ARNT2: variants seen among roughly 807,000 people sequenced by gnomAD.
ARNT2 encodes the protein ARNT protein 2.
Under a neutral mutation model 91.7 loss-of-function variants are expected in ARNT2, and 36 were observed. That is an observed-to-expected ratio of 0.39 (90% CI 0.30 to 0.52). ARNT2 has a LOEUF of 0.52. ARNT2 is among the 20% of genes least tolerant of loss of function. The pLI is 0.72. For synonymous variants in ARNT2, 365 were observed against 347.1 expected, an observed-to-expected ratio of 1.05 and a Z score of -0.57; for missense variants, 775 against 939.3, an observed-to-expected ratio of 0.83 and a Z score of 2.29.
intron 8 of ARNT2, among the ~76,000 whole-genome samples, chr15:80,522,346 A>T (rs906577841): frequency 6.6e-6 from 1 of 152,184 alleles, no homozygotes; most frequent in African/African-American, 2.4e-5. Context: ...CAGAATGTGG[A>T]CCCAGCTAGC....
chr15:80,536,936 C>G (rs1423339309), intron 8 of ARNT2, among the ~76,000 whole-genome samples: 2 of 152,156 alleles, frequency 1.3e-5, no homozygotes, highest in Non-Finnish European at 2.9e-5. Flanking sequence ...CTGCCCTGAC[C>G]TGACTGCAGG....
At chr15:80,459,282 C>G (rs1896520600) in intron 3 of ARNT2, among the ~76,000 whole-genome samples, 1 of 152,210 alleles carries the variant, frequency 6.6e-6, no homozygotes, top group African/African-American at 2.4e-5. Context: ...ACATGAGTTT[C>G]AATAACAAAA....
At chr15:80,444,656 TGTGTGAGTG>T (rs1262036504) in intron 1 of ARNT2, 4 of 152,292 alleles carry the variant, frequency 2.6e-5, no homozygotes, top group African/African-American at 9.7e-5. Context: ...GCGTGGTGTG[TGTGTGAGTG>T]GTGTGTGTAG....
At chr15:80,580,940 G>C (rs1021583057) in intron 16 of ARNT2, among the ~76,000 whole-genome samples, 35 of 152,096 alleles carry the variant, frequency 2.3e-4, no homozygotes, top group African/African-American at 8.2e-4. Context: ...GGTGTTGATT[G>C]GGCTGAGGGA....
At chr15:80,562,412 A>T (rs1377831832) in intron 11 of ARNT2, among the ~76,000 whole-genome samples, 1 of 152,194 alleles carries the variant, frequency 6.6e-6, no homozygotes. Context: ...TGACTTATTT[A>T]ATTTCTCTGA....
intron 1 of ARNT2, among the ~76,000 whole-genome samples, chr15:80,409,643 A>C (rs1266787643): frequency 6.6e-6 from 1 of 152,264 alleles, no homozygotes; most frequent in Non-Finnish European, 1.5e-5. Context: ...GCTGCTTGCT[A>C]GCAAGACAAA....
intron 1 of ARNT2, among the ~76,000 whole-genome samples, chr15:80,421,802 TC>T (rs758240046): frequency 1.3e-5 from 2 of 152,236 alleles, no homozygotes; most frequent in Non-Finnish European, 2.9e-5. Context: ...TCTCTGATCT[TC>T]TTTTAATTGT....
At chr15:80,583,052 GA>G (rs2141482651) in intron 17 of ARNT2, among the ~76,000 whole-genome samples, 1 of 152,290 alleles carries the variant, frequency 6.6e-6, no homozygotes, top group African/African-American at 2.4e-5. Context: ...GCCAGGCCCC[GA>G]ATCAGCCCTG....
Position 80,576,876 on chromosome 15 carries a change from G to C in ARNT2, c.1524G>C (p.Lys508Asn). The stretch of plus-strand genomic sequence containing the variant: ...CTCTGGTTTTCCTAGCGGAGAAGAA[G>C]ATGATGAGCTCAGCCTCTGCAGCAG... ...MFAGISASEK[K>N]MMSSASAAGT... The change falls in exon 15 of 19, where the codon AAG (lysine) becomes AAC (asparagine). Residue 508 changes from lysine (K) to asparagine (N), a missense_variant. This residue lies in a region of ARNT2 where 325 missense variants were observed against 359.9 expected (regional missense o/e 0.90). Coordinates refer to ENST00000303329, the MANE Select transcript of ARNT2 (RefSeq NM_014862.4). 1 of 1,614,122 alleles carries C rather than the reference G, an allele frequency of 6.2e-7. No individual in the cohort carries two copies. Among genetic ancestry groups the C allele is most frequent in the Non-Finnish European group, 8.5e-7 (1 of 1,180,036 alleles).
chr15:80,514,514 A>C, intron 8 of ARNT2, 109 bp downstream of exon 8: 1 of 950,882 alleles, frequency 1.1e-6, no homozygotes, highest in Non-Finnish European at 1.6e-6. Flanking sequence ...AAATATTCTT[A>C]TTTTTCTTTG....
intron 8 of ARNT2, among the ~76,000 whole-genome samples, chr15:80,527,428 A>G (rs559627868): frequency 3.8e-4 from 58 of 152,358 alleles, no homozygotes; most frequent in Non-Finnish European, 6.9e-4. Flanking sequence ...AAAGCTTAGC[A>G]GGCAAAGAGA....
intron 8 of ARNT2, among the ~76,000 whole-genome samples, chr15:80,531,811 G>A (rs1221580997): frequency 6.6e-6 from 1 of 152,178 alleles, no homozygotes; most frequent in Non-Finnish European, 1.5e-5. Flanking sequence ...GATCAGTCCA[G>A]CCTGCCACTC....
chr15:80,555,170 A>T (rs1325717713), intron 11 of ARNT2, 31 bp downstream of exon 11: 2 of 1,608,858 alleles, frequency 1.2e-6, no homozygotes, highest in Non-Finnish European at 1.7e-6. Context: ...CTTAAAGCTG[A>T]TGCATAGTCT....
chr15:80,412,545 A>G (rs1295921759), intron 1 of ARNT2, among the ~76,000 whole-genome samples: 1 of 152,190 alleles, frequency 6.6e-6, no homozygotes, highest in Non-Finnish European at 1.5e-5. Flanking sequence ...TATTTCGAGC[A>G]TATTGCTTTG....
intron 17 of ARNT2, among the ~76,000 whole-genome samples, chr15:80,587,915 G>C (rs531580913): frequency 6.6e-6 from 1 of 152,322 alleles, no homozygotes; most frequent in South Asian, 2.1e-4. Context: ...AATAGGTCCA[G>C]ATCGTGAAGG....
chr15:80,440,652 C>T (rs1190786417), intron 1 of ARNT2, among the ~76,000 whole-genome samples: 1 of 152,128 alleles, frequency 6.6e-6, no homozygotes, highest in Non-Finnish European at 1.5e-5. Context: ...GGTTTCAATT[C>T]CCTAATGCCA....
intron 1 of ARNT2, among the ~76,000 whole-genome samples, chr15:80,424,988 G>A (rs1895913260): frequency 6.6e-6 from 1 of 152,188 alleles, no homozygotes; most frequent in Admixed American, 6.5e-5. Context: ...GGTTGAAGTT[G>A]AAGGAACACA....
intron 1 of ARNT2, among the ~76,000 whole-genome samples, chr15:80,412,692 C>T (rs571011519): frequency 6.6e-6 from 1 of 152,294 alleles, no homozygotes; most frequent in African/African-American, 2.4e-5. Context: ...ATTTGGTGTG[C>T]TTTTCTGTTT....
chr15:80,408,867 AT>A (rs1365691426), intron 1 of ARNT2, among the ~76,000 whole-genome samples: 20 of 152,164 alleles, frequency 1.3e-4, no homozygotes, highest in Admixed American at 1.2e-3. Context: ...TTCAGTATAT[AT>A]TTATTTTAAT....
Sources: gnomAD v4.1 joint callset for allele counts (sites outside exome capture counted in the v4.1 genomes callset) on GRCh38, gnomAD v4.1.1 for gene constraint, gnomAD v4.1.1 regional missense constraint, MANE v1.5 for transcripts, NCBI Gene and HGNC (gene_info 2026-07-23, HGNC 2026-07-21) for gene names.